The following MLLT3 variants were observed in gnomAD, a reference collection of about 807,000 sequenced individuals.
MLLT3 encodes MLLT3 super elongation complex subunit.
MLLT3 carries 4 observed loss-of-function variants against 53.2 expected under a neutral mutation model. The ratio of observed to expected loss-of-function variants is 0.08; its 90% CI spans 0.04 to 0.17. The LOEUF (loss-of-function observed/expected upper bound fraction) is 0.17. Among genes scored for constraint, MLLT3 ranks in the 10% least tolerant of loss-of-function variants. The pLI is 1.00. For synonymous variants in MLLT3, 283 were observed against 230.6 expected, an observed-to-expected ratio of 1.23 and a Z score of -2.06; for missense variants, 569 against 684.0, an observed-to-expected ratio of 0.83 and a Z score of 1.87.
At chr9:20,367,313 A>G (rs1399980620) in intron 5 of MLLT3, among the ~76,000 whole-genome samples, 2 of 152,164 alleles carry the variant, frequency 1.3e-5, no homozygotes, top group African/African-American at 4.8e-5. Context: ...TAGAGGTACA[A>G]CAGTATTGCA....
chr9:20,498,266 A>AAAAAAAAAAT (rs760352616), intron 2 of MLLT3, among the ~76,000 whole-genome samples: 1 of 98,284 alleles, frequency 1.0e-5, no homozygotes, highest in Non-Finnish European at 2.1e-5. Context: ...AAAAAAAAAA[A>AAAAAAAAAAT]GTTCTTCTAG....
At chr9:20,514,371 G>T (rs1563795771) in intron 2 of MLLT3, among the ~76,000 whole-genome samples, 1 of 152,150 alleles carries the variant, frequency 6.6e-6, no homozygotes, top group East Asian at 1.9e-4. Context: ...TGAGACTGGG[G>T]TATGGCTTTT....
intron 2 of MLLT3, among the ~76,000 whole-genome samples, chr9:20,475,511 T>A (rs1054116173): frequency 6.6e-6 from 1 of 152,274 alleles, no homozygotes; most frequent in Middle Eastern, 3.4e-3. Context: ...TAAAGTTTCA[T>A]ACAACTGTCT....
rs570142223 is a variant in MLLT3, at chr9:20,516,050, TTAAG to T, written c.194-59268_194-59265del. On this transcript the variant is annotated intron_variant, in intron 2 of 10. Coordinates refer to ENST00000380338, the MANE Select transcript of MLLT3 (RefSeq NM_004529.4). ...AAATAAAACACAGAAGCAAAGCCAGTTAAGTAAGAGATATCTAGATGTCAGCCAT... is the reference window on the plus strand; with the variant it reads ...AAATAAAACACAGAAGCAAAGCCAGTTAAGAGATATCTAGATGTCAGCCAT... Among the ~76,000 whole-genome samples, 23 of 152,272 alleles carry T rather than the reference TTAAG, an allele frequency of 1.5e-4. No homozygotes were observed. In the South Asian group the frequency reaches 4.8e-3, roughly 32 times the overall value.
In MLLT3 at chr9:20,622,372, G is replaced by A. The variant is rs561860121; in HGVS notation, c.-116C>T. 8 of 964,812 alleles carry A rather than the reference G, an allele frequency of 8.3e-6. No individual in the cohort carries two copies. Among genetic ancestry groups the A allele is most frequent in the Admixed American group, 3.1e-5 (1 of 31,828 alleles). 59.8% of individuals were successfully genotyped at this position (964,812 alleles called of 1,614,324 possible). On this transcript the variant is annotated 5_prime_UTR_variant, in exon 1 of 11. Transcript: ENST00000380338. ...GAATGAGAGCGCGCCCAGGAGCGGA[G>A]GGTAGATGGCGGACATTCTCTGCCT...
chr9:20,546,988 A>G (rs915504143), intron 2 of MLLT3, among the ~76,000 whole-genome samples: 1 of 152,166 alleles, frequency 6.6e-6, no homozygotes, highest in Admixed American at 6.5e-5. Flanking sequence ...TTCCCCGTAT[A>G]TAAGGCCCAG....
At chr9:20,453,258 T>A (rs1823880780) in intron 3 of MLLT3, among the ~76,000 whole-genome samples, 1 of 152,186 alleles carries the variant, frequency 6.6e-6, no homozygotes, top group Non-Finnish European at 1.5e-5. Context: ...ATATGCTTTA[T>A]CTTTTAAAGA....
chr9:20,622,205 G>T, intron 1 of MLLT3, 40 bp downstream of exon 1: 1 of 1,582,444 alleles, frequency 6.3e-7, no homozygotes, highest in Non-Finnish European at 8.7e-7. Context: ...AGGAAGGAAA[G>T]TGGGGGAGGG....
At chr9:20,389,478 C>G (rs796943397) in intron 5 of MLLT3, among the ~76,000 whole-genome samples, 3 of 152,098 alleles carry the variant, frequency 2.0e-5, no homozygotes, top group Non-Finnish European at 4.4e-5. Context: ...CTGGAATATA[C>G]TAAAAACCAC....
intron 4 of MLLT3, among the ~76,000 whole-genome samples, chr9:20,421,101 T>G (rs1822997004): frequency 6.6e-6 from 1 of 151,754 alleles, no homozygotes; most frequent in South Asian, 2.1e-4. Context: ...CTGTCTCTAC[T>G]AAAAATACAA....
At chr9:20,366,171 G>T (rs920298886) in intron 5 of MLLT3, among the ~76,000 whole-genome samples, 1 of 152,238 alleles carries the variant, frequency 6.6e-6, no homozygotes, top group African/African-American at 2.4e-5. Flanking sequence ...TCTACGTTAG[G>T]TATTTCTCCT....
chr9:20,476,057 T>G (rs1271028122), intron 2 of MLLT3, among the ~76,000 whole-genome samples: 2 of 151,216 alleles, frequency 1.3e-5, no homozygotes, highest in East Asian at 1.9e-4. Flanking sequence ...TAATGCGCTG[T>G]TTTTTTTGTG....
intron 2 of MLLT3, among the ~76,000 whole-genome samples, chr9:20,495,563 G>A (rs1433401178): frequency 1.3e-5 from 2 of 152,108 alleles, no homozygotes; most frequent in Non-Finnish European, 2.9e-5. Context: ...TTTAGAAAAC[G>A]TGTGTGGCTG....
At chr9:20,492,631 G>GA (rs984510251) in intron 2 of MLLT3, among the ~76,000 whole-genome samples, 4 of 151,604 alleles carry the variant, frequency 2.6e-5, no homozygotes, top group Admixed American at 6.6e-5. Flanking sequence ...AGATTTAATA[G>GA]AAAAAAATCA....
intron 5 of MLLT3, among the ~76,000 whole-genome samples, chr9:20,388,313 G>C (rs1822091245): frequency 6.6e-6 from 1 of 152,214 alleles, no homozygotes; most frequent in Non-Finnish European, 1.5e-5. Context: ...CTCTGGCCGG[G>C]TGCGGTGGCT....
At chr9:20,388,256 A>G (rs1389759681) in intron 5 of MLLT3, among the ~76,000 whole-genome samples, 1 of 152,230 alleles carries the variant, frequency 6.6e-6, no homozygotes, top group African/African-American at 2.4e-5. Context: ...AAGAAATTTG[A>G]AGATGACAGT....
At chr9:20,515,831 T>A (rs116798022) in intron 2 of MLLT3, among the ~76,000 whole-genome samples, 33 of 152,236 alleles carry the variant, frequency 2.2e-4, no homozygotes, top group African/African-American at 6.7e-4. Flanking sequence ...GGCTGTGGCC[T>A]TCCCCAAAGC....
At chr9:20,534,146 T>A (rs1818416790) in intron 2 of MLLT3, among the ~76,000 whole-genome samples, 1 of 152,248 alleles carries the variant, frequency 6.6e-6, no homozygotes, top group Admixed American at 6.5e-5. Flanking sequence ...ACAGTTATTA[T>A]ACAAAATAGG....
chr9:20,618,083 T>C (rs1820882092), intron 2 of MLLT3, among the ~76,000 whole-genome samples: 1 of 152,196 alleles, frequency 6.6e-6, no homozygotes, highest in African/African-American at 2.4e-5. Context: ...ACAGTGAAAG[T>C]GATTTAGATT....
Sources: allele counts gnomAD v4.1 joint callset (sites outside exome capture counted in the v4.1 genomes callset), GRCh38; gene constraint gnomAD v4.1.1; transcripts MANE v1.5; gene names NCBI Gene and HGNC (gene_info 2026-07-23, HGNC 2026-07-21).